The following CCDC178 variants were observed in gnomAD, a reference collection of about 807,000 sequenced individuals.
CCDC178 encodes the protein coiled-coil domain-containing protein 178.
Under a neutral mutation model 117.4 loss-of-function variants are expected in CCDC178, and 126 were observed. The observed-to-expected ratio is 1.07, with a 90% confidence interval of 0.93 to 1.24. The LOEUF (loss-of-function observed/expected upper bound fraction) is 1.24, where lower values mean the gene tolerates loss of function less well. Among genes scored for constraint, CCDC178 ranks in the 50% most tolerant of loss-of-function variants. CCDC178 has a pLI of 0.00. For missense variants in CCDC178, 1,030 were observed against 986.9 expected (o/e 1.04, Z -0.59); for synonymous variants, 283 against 313.4 (o/e 0.90, Z 1.02).
intron 21 of CCDC178, among the ~76,000 whole-genome samples, chr18:33,031,135 CT>C (rs1448310666): frequency 6.6e-6 from 1 of 151,910 alleles, no homozygotes; most frequent in Non-Finnish European, 1.5e-5. Flanking sequence ...ATGTCTATGT[CT>C]TTTTTGTTCC....
intron 21 of CCDC178, among the ~76,000 whole-genome samples, chr18:33,001,581 TA>T (rs1178910008): frequency 6.7e-6 from 1 of 150,208 alleles, no homozygotes; most frequent in Non-Finnish European, 1.5e-5. Flanking sequence ...TCACCCTCAC[TA>T]AAAGGAAGAC....
chr18:33,012,758 G>T (rs4306588), intron 21 of CCDC178, among the ~76,000 whole-genome samples: 1 of 151,278 alleles, frequency 6.6e-6, no homozygotes, highest in Admixed American at 6.6e-5. Flanking sequence ...ACCTTTTTTC[G>T]CCATATGATA....
chr18:33,287,598 G>T (rs1660839164), intron 12 of CCDC178, among the ~76,000 whole-genome samples: 5 of 151,944 alleles, frequency 3.3e-5, no homozygotes, highest in Admixed American at 3.3e-4. Flanking sequence ...GGCCAACAGG[G>T]CGAAACCCCA....
chr18:33,053,251 C>T (rs1307870405), intron 21 of CCDC178, among the ~76,000 whole-genome samples: 1 of 152,132 alleles, frequency 6.6e-6, no homozygotes, highest in East Asian at 1.9e-4. Context: ...AGATGGCTTT[C>T]CCTACGGATT....
At chr18:33,331,025 G>GTTTTTTTTTTTT (rs1315738648) in intron 10 of CCDC178, among the ~76,000 whole-genome samples, 1 of 55,166 alleles carries the variant, frequency 1.8e-5, no homozygotes, top group African/African-American at 1.3e-4. Context: ...CACAAACATT[G>GTTTTTTTTTTTT]CTTTTTTTTT....
At chr18:33,352,794 T>A (rs372904360) in intron 7 of CCDC178, among the ~76,000 whole-genome samples, 2 of 152,152 alleles carry the variant, frequency 1.3e-5, no homozygotes, top group African/African-American at 4.8e-5. Context: ...ATAATTTTGA[T>A]CTTTTTCGTT....
intron 11 of CCDC178, among the ~76,000 whole-genome samples, chr18:33,315,964 A>G (rs371624253): frequency 6.6e-6 from 1 of 152,204 alleles, no homozygotes; most frequent in East Asian, 1.9e-4. Context: ...TCCCATATAT[A>G]CAAGCATTGT....
intron 22 of CCDC178, among the ~76,000 whole-genome samples, chr18:32,943,344 G>A (rs901503826): frequency 6.6e-6 from 1 of 152,114 alleles, no homozygotes; most frequent in East Asian, 1.9e-4. Context: ...ATTCCCTGTT[G>A]AACAAATGAT....
intron 5 of CCDC178, 96 bp downstream of exon 5, chr18:33,389,440 GATTT>G: frequency 2.2e-6 from 1 of 454,364 alleles, no homozygotes; most frequent in East Asian, 3.9e-5. Flanking sequence ...CGATATGTAG[GATTT>G]ATTTCAAAAT....
intron 20 of CCDC178, among the ~76,000 whole-genome samples, chr18:33,146,824 G>C (rs781463972): frequency 2.6e-5 from 4 of 152,324 alleles, no homozygotes; most frequent in Non-Finnish European, 5.9e-5. Flanking sequence ...ACTGATGTCT[G>C]GGTATGAGTT....
intron 3 of CCDC178, among the ~76,000 whole-genome samples, chr18:33,409,312 T>C (rs2063820772): frequency 6.6e-6 from 1 of 152,130 alleles, no homozygotes; most frequent in South Asian, 2.1e-4. Context: ...CTCCAACTCC[T>C]GGTCTCAAGT....
intron 14 of CCDC178, among the ~76,000 whole-genome samples, chr18:33,251,877 G>A (rs556887694): frequency 2.6e-5 from 4 of 151,714 alleles, no homozygotes; most frequent in Non-Finnish European, 4.4e-5. Flanking sequence ...AATGAAGAAA[G>A]CTGCTGGTTT....
chr18:33,394,943 G>GTATATA (rs61298209), intron 4 of CCDC178, among the ~76,000 whole-genome samples: 892 of 61,448 alleles, frequency 0.015, 34 homozygotes, highest in Non-Finnish European at 0.016. Context: ...ATATGTATGT[G>GTATATA]TATATATATA....
At chr18:33,239,110 G>T (rs1039970068) in intron 15 of CCDC178, among the ~76,000 whole-genome samples, 8 of 152,008 alleles carry the variant, frequency 5.3e-5, no homozygotes, top group Admixed American at 4.6e-4. Flanking sequence ...GGCCTTAAAA[G>T]AAAGGCCCAA....
intron 10 of CCDC178, 59 bp from the exon 11 acceptor site, chr18:33,323,692 C>T: frequency 9.4e-7 from 1 of 1,060,146 alleles, no homozygotes; most frequent in South Asian, 2.5e-5. Context: ...AAAATAATAA[C>T]TTCAACTTAG....
intron 20 of CCDC178, among the ~76,000 whole-genome samples, chr18:33,108,151 C>T (rs2057732980): frequency 6.6e-6 from 1 of 151,550 alleles, no homozygotes; most frequent in South Asian, 2.1e-4. Context: ...TCTTTAAGAA[C>T]ATGGTTCATC....
intron 20 of CCDC178, among the ~76,000 whole-genome samples, chr18:33,153,135 A>ATT (rs1001181335): frequency 4.2e-5 from 6 of 143,798 alleles, no homozygotes; most frequent in African/African-American, 8.0e-5. Flanking sequence ...GTGAGTGACA[A>ATT]TTATATATAT....
At chr18:33,101,838 G>A (rs1452491333) in intron 20 of CCDC178, among the ~76,000 whole-genome samples, 2 of 151,902 alleles carry the variant, frequency 1.3e-5, no homozygotes, top group Non-Finnish European at 2.9e-5. Flanking sequence ...ATTAAAATAT[G>A]TATATTTTGC....
At chr18:33,140,975 G>A (rs1311640166) in intron 20 of CCDC178, among the ~76,000 whole-genome samples, 3 of 152,126 alleles carry the variant, frequency 2.0e-5, no homozygotes, top group Non-Finnish European at 4.4e-5. Context: ...TAGTCAATGA[G>A]TCTCACAAGA....
Sources: allele counts gnomAD v4.1 joint callset (sites outside exome capture counted in the v4.1 genomes callset), GRCh38; gene constraint gnomAD v4.1.1; transcripts MANE v1.5; gene names NCBI Gene and HGNC (gene_info 2026-07-23, HGNC 2026-07-21).